Variants in EYA1 observed in about 807,000 individuals in gnomAD.
The protein encoded by EYA1 is EYA transcriptional coactivator and phosphatase 1.
EYA1 carries 16 observed loss-of-function variants against 82.0 expected under a neutral mutation model. The ratio of observed to expected loss-of-function variants is 0.20; its 90% CI spans 0.13 to 0.30. The LOEUF is 0.30. Among genes scored for constraint, EYA1 ranks in the 10% least tolerant of loss-of-function variants. The pLI is 1.00. For missense variants in EYA1, 633 were observed against 730.7 expected, an observed-to-expected ratio of 0.87 and a Z score of 1.54; for synonymous variants, 261 against 264.4, an observed-to-expected ratio of 0.99 and a Z score of 0.12.
intron 2 of EYA1, among the ~76,000 whole-genome samples, chr8:71,472,696 G>A (rs12545509): frequency 0.094 from 14,074 of 150,218 alleles, 1,427 homozygotes; most frequent in East Asian, 0.47. Flanking sequence ...CATCACTGAC[G>A]TACAACTCAG....
intron 12 of EYA1, among the ~76,000 whole-genome samples, chr8:71,223,242 G>A (rs1417853306): frequency 6.6e-6 from 1 of 152,180 alleles, no homozygotes; most frequent in Non-Finnish European, 1.5e-5. Context: ...AGGGGAAGCT[G>A]AAAAGAGGGC....
intron 9 of EYA1, among the ~76,000 whole-genome samples, chr8:71,275,984 T>C (rs1320858353): frequency 6.6e-6 from 1 of 152,218 alleles, no homozygotes; most frequent in Non-Finnish European, 1.5e-5. Flanking sequence ...GAACTTCTGC[T>C]CTGACCAAAG....
chr8:71,514,168 T>C (rs1030587019), intron 2 of EYA1, among the ~76,000 whole-genome samples: 18 of 152,258 alleles, frequency 1.2e-4, no homozygotes, highest in African/African-American at 4.3e-4. Context: ...AATTGCTGGA[T>C]CCTATGGGAG....
intron 2 of EYA1, among the ~76,000 whole-genome samples, chr8:71,395,921 T>A (rs536495586): frequency 6.6e-6 from 1 of 152,326 alleles, no homozygotes; most frequent in South Asian, 2.1e-4. Flanking sequence ...CATGTGATCC[T>A]GGACTTTTTT....
chr8:71,417,597 A>C (rs1320287517), intron 2 of EYA1, among the ~76,000 whole-genome samples: 3 of 152,198 alleles, frequency 2.0e-5, no homozygotes, highest in Non-Finnish European at 4.4e-5. Context: ...ATTATAAAAA[A>C]CACAGAAAAA....
intron 2 of EYA1, among the ~76,000 whole-genome samples, chr8:71,445,411 C>G (rs1023996826): frequency 3.4e-4 from 51 of 152,056 alleles, no homozygotes; most frequent in African/African-American, 1.1e-3. Context: ...TGAATAAAAA[C>G]TATCGGTTAA....
At position 71,322,444 on chromosome 8, in the gene EYA1, C is replaced by T. The variant is rs867000392; in HGVS notation, c.203-176G>A. 2.3e-5 allele frequency: 15 copies of T among 640,866 alleles called. No individual in the cohort carries two copies. The Middle Eastern group carries it at 4.2e-3, about 178-fold the overall frequency. The allele number at this position is 640,866 out of a possible 1,614,324, so 39.7% of individuals were successfully genotyped here. ...TGGTTCCACCTAACAGAAAGTTAAA[C>T]TATAAAGAGGAATGAATAGAAACTG... On this transcript the variant is annotated intron_variant, in intron 4 of 17. Coordinates refer to ENST00000340726, the MANE Select transcript of EYA1 (RefSeq NM_000503.6).
chr8:71,259,977 C>T (rs899340064), intron 11 of EYA1, among the ~76,000 whole-genome samples: 1 of 152,066 alleles, frequency 6.6e-6, no homozygotes, highest in African/African-American at 2.4e-5. Context: ...AAGAATAAGT[C>T]ACTTTAGTTT....
intron 9 of EYA1, among the ~76,000 whole-genome samples, chr8:71,274,552 G>A (rs1299068369): frequency 1.3e-5 from 2 of 152,122 alleles, no homozygotes; most frequent in Non-Finnish European, 2.9e-5. Context: ...TGGATGTCAC[G>A]TTCACACCAT....
intron 9 of EYA1, among the ~76,000 whole-genome samples, chr8:71,279,011 C>T (rs949037340): frequency 2.6e-5 from 4 of 152,144 alleles, no homozygotes; most frequent in African/African-American, 9.7e-5. Flanking sequence ...AAGCTCTCAC[C>T]ACATGTACAA....
rs1824287259 is a variant in EYA1, at chr8:71,334,716, C to T, written c.125-542G>A. 3.3e-5 allele frequency among the ~76,000 whole-genome samples: 5 copies of T among 152,078 alleles called. No individual in the cohort carries two copies. The South Asian group carries it at 1.0e-3, about 31-fold the overall frequency. On this transcript the variant is annotated intron_variant, in intron 3 of 17. Coordinates refer to ENST00000340726, the MANE Select transcript of EYA1 (RefSeq NM_000503.6). The stretch of plus-strand genomic sequence containing the variant: ...TTGATTTAATGCACCATCATTACCA[C>T]CCAGCCATATCTGACTGCCAATTCA...
At chr8:71,484,035 T>C (rs898695469) in intron 2 of EYA1, among the ~76,000 whole-genome samples, 9 of 152,204 alleles carry the variant, frequency 5.9e-5, no homozygotes, top group Admixed American at 5.9e-4. Context: ...CACAAGCAGC[T>C]ACTGAATTAC....
chr8:71,472,796 T>TATAC (rs1563647921), intron 2 of EYA1, among the ~76,000 whole-genome samples: 1 of 147,254 alleles, frequency 6.8e-6, no homozygotes, highest in East Asian at 2.0e-4. Context: ...AAGATATATA[T>TATAC]ATATATATAT....
chr8:71,497,040 G>T (rs1811465945), intron 2 of EYA1, among the ~76,000 whole-genome samples: 1 of 152,080 alleles, frequency 6.6e-6, no homozygotes, highest in Non-Finnish European at 1.5e-5. Context: ...CACAGCAAAG[G>T]AAACAATCAA....
chr8:71,343,409 C>T (rs1352123025), intron 3 of EYA1, among the ~76,000 whole-genome samples: 29 of 152,180 alleles, frequency 1.9e-4, no homozygotes, highest in Admixed American at 1.9e-3. Flanking sequence ...AATTGGATCA[C>T]AAGCGCTCCA....
chr8:71,495,591 G>A (rs547777996), intron 2 of EYA1, among the ~76,000 whole-genome samples: 5 of 152,230 alleles, frequency 3.3e-5, no homozygotes, highest in South Asian at 2.1e-4. Flanking sequence ...TAGCCTGGGC[G>A]ACAGACCAAG....
At chr8:71,486,136 T>C (rs1399369025) in intron 2 of EYA1, among the ~76,000 whole-genome samples, 1 of 152,166 alleles carries the variant, frequency 6.6e-6, no homozygotes, top group African/African-American at 2.4e-5. Context: ...GTACTAGGCA[T>C]AGCACTATCA....
At chr8:71,375,603 G>A (rs1828327424) in intron 2 of EYA1, among the ~76,000 whole-genome samples, 1 of 152,112 alleles carries the variant, frequency 6.6e-6, no homozygotes, top group Non-Finnish European at 1.5e-5. Context: ...CAAGATGAGA[G>A]GAAGACAGGA....
chr8:71,261,840 T>A (rs1815149805), intron 11 of EYA1, among the ~76,000 whole-genome samples: 1 of 152,230 alleles, frequency 6.6e-6, no homozygotes, highest in Non-Finnish European at 1.5e-5. Context: ...GGATTTCATT[T>A]GTAATGACTC....
Sources: allele counts gnomAD v4.1 joint callset (sites outside exome capture counted in the v4.1 genomes callset), GRCh38; gene constraint gnomAD v4.1.1; transcripts MANE v1.5; gene names NCBI Gene and HGNC (gene_info 2026-07-23, HGNC 2026-07-21).